The following SORCS3 variants were observed in gnomAD, a reference collection of about 807,000 sequenced individuals.
The protein encoded by SORCS3 is VPS10 domain-containing receptor SorCS3.
Under a neutral mutation model 146.3 loss-of-function variants are expected in SORCS3, and 57 were observed. The ratio of observed to expected loss-of-function variants is 0.39; its 90% CI spans 0.31 to 0.49. The LOEUF (loss-of-function observed/expected upper bound fraction) is 0.49. Among genes scored for constraint, SORCS3 ranks in the 20% least tolerant of loss-of-function variants. The pLI is 0.92. For missense variants in SORCS3, 1,341 were observed against 1,575.5 expected, an observed-to-expected ratio of 0.85 and a Z score of 2.52; for synonymous variants, 653 against 618.5, an observed-to-expected ratio of 1.06 and a Z score of -0.83.
chr10:105,068,287 C>G (rs1390977837), intron 5 of SORCS3, among the ~76,000 whole-genome samples: 2 of 152,186 alleles, frequency 1.3e-5, no homozygotes, highest in African/African-American at 4.8e-5. Flanking sequence ...CTAGAAATCT[C>G]AAATAACTCC....
chr10:105,063,359 G>A (rs1405365526), intron 5 of SORCS3, among the ~76,000 whole-genome samples: 1 of 152,154 alleles, frequency 6.6e-6, no homozygotes, highest in Non-Finnish European at 1.5e-5. Flanking sequence ...TAAGGAAACT[G>A]AGCCCCAGGG....
intron 1 of SORCS3, among the ~76,000 whole-genome samples, chr10:104,654,452 C>T (rs929666124): frequency 6.6e-6 from 1 of 152,210 alleles, no homozygotes; most frequent in Non-Finnish European, 1.5e-5. Flanking sequence ...TTCTCCATGT[C>T]CTCACCAGCA....
At chr10:105,109,964 T>C (rs1478541132) in intron 7 of SORCS3, among the ~76,000 whole-genome samples, 1 of 151,990 alleles carries the variant, frequency 6.6e-6, no homozygotes, top group Non-Finnish European at 1.5e-5. Context: ...TCTTGAAATA[T>C]GTTTTCTATT....
At chr10:104,761,623 T>G (rs1243149148) in intron 1 of SORCS3, among the ~76,000 whole-genome samples, 1 of 152,208 alleles carries the variant, frequency 6.6e-6, no homozygotes, top group Non-Finnish European at 1.5e-5. Context: ...TGAATGGATA[T>G]TGACAGTCTA....
intron 20 of SORCS3, among the ~76,000 whole-genome samples, chr10:105,242,868 T>A (rs1274853289): frequency 3.7e-5 from 3 of 81,110 alleles, no homozygotes; most frequent in Admixed American, 1.8e-4. Flanking sequence ...TATATATATT[T>A]TTATATATAA....
intron 4 of SORCS3, among the ~76,000 whole-genome samples, chr10:105,014,368 G>T (rs1589594415): frequency 1.3e-5 from 2 of 151,844 alleles, no homozygotes; most frequent in South Asian, 2.1e-4. Context: ...ACAGGTAGAG[G>T]TTTCTGAATT....
chr10:104,910,443 G>T (rs1030203673), intron 2 of SORCS3, among the ~76,000 whole-genome samples: 9 of 152,160 alleles, frequency 5.9e-5, no homozygotes, highest in Admixed American at 2.0e-4. Flanking sequence ...ACTTCTCAGT[G>T]GTTTGAAAGG....
intron 4 of SORCS3, among the ~76,000 whole-genome samples, chr10:105,025,490 AT>A (rs1184660397): frequency 2.6e-5 from 4 of 152,036 alleles, no homozygotes; most frequent in African/African-American, 9.7e-5. Context: ...TGAGCTGAAA[AT>A]TTTTGACTGT....
intron 1 of SORCS3, among the ~76,000 whole-genome samples, chr10:104,728,889 C>T (rs17117578): frequency 0.011 from 1,632 of 152,186 alleles, 27 homozygotes; most frequent in African/African-American, 0.037. Context: ...GTTCTGGTGA[C>T]CCAGTTATAA....
At chr10:105,134,937 C>T (rs1186352838) in intron 7 of SORCS3, among the ~76,000 whole-genome samples, 3 of 152,102 alleles carry the variant, frequency 2.0e-5, no homozygotes, top group Non-Finnish European at 4.4e-5. Context: ...TCCCCTCCAG[C>T]TGCAAGCCTG....
chr10:105,249,258 A>G (rs778337445), intron 22 of SORCS3, among the ~76,000 whole-genome samples: 4 of 152,242 alleles, frequency 2.6e-5, no homozygotes, highest in African/African-American at 4.8e-5. Flanking sequence ...AGTCTGGAGC[A>G]CATGAGAAAC....
intron 1 of SORCS3, among the ~76,000 whole-genome samples, chr10:104,842,403 A>C (rs561019064): frequency 6.6e-6 from 1 of 152,190 alleles, no homozygotes; most frequent in Non-Finnish European, 1.5e-5. Context: ...TGTAAATCAG[A>C]GTCATCTCTG....
chr10:105,063,131 T>A (rs1015763152), intron 5 of SORCS3, among the ~76,000 whole-genome samples: 13 of 152,240 alleles, frequency 8.5e-5, no homozygotes, highest in Non-Finnish European at 1.5e-4. Flanking sequence ...CAATTCCTTA[T>A]GTCAAAATGA....
At position 105,164,441 on chromosome 10, in the gene SORCS3, C is replaced by T; in HGVS notation, c.1809+62C>T. On this transcript the variant is annotated intron_variant, in intron 12 of 26. Transcript: ENST00000369701. ...TAGAGTAAGTTCTACCAATCTCTCTCTCCATCCTATAGATTCTCAGCCTCA... is the reference window on the plus strand; with the variant it reads ...TAGAGTAAGTTCTACCAATCTCTCTTTCCATCCTATAGATTCTCAGCCTCA... 3 of 1,112,976 alleles carry T rather than the reference C, an allele frequency of 2.7e-6. No individual in the cohort carries two copies. In the South Asian group the frequency reaches 3.8e-5, roughly 14 times the overall value. 68.9% of individuals were successfully genotyped at this position (1,112,976 alleles called of 1,614,324 possible). A position where few individuals can be genotyped will look rare whatever the true frequency, so the allele number is the denominator to read the frequency against.
chr10:104,722,744 A>T (rs1198695268), intron 1 of SORCS3, among the ~76,000 whole-genome samples: 1 of 152,192 alleles, frequency 6.6e-6, no homozygotes, highest in Non-Finnish European at 1.5e-5. Context: ...CATTTCTTCT[A>T]GATTTTCTGG....
intron 8 of SORCS3, among the ~76,000 whole-genome samples, chr10:105,141,039 A>C (rs555040926): frequency 6.6e-6 from 1 of 152,322 alleles, no homozygotes; most frequent in South Asian, 2.1e-4. Flanking sequence ...AAATGAGTTT[A>C]GGGAACTTTC....
chr10:104,847,047 G>A (rs2018214191), intron 2 of SORCS3, among the ~76,000 whole-genome samples: 1 of 152,132 alleles, frequency 6.6e-6, no homozygotes. Context: ...ATGTGGTAGG[G>A]TGGTGCTATG....
chr10:105,216,871 G>A, intron 18 of SORCS3, 65 bp from the exon 19 acceptor site: 1 of 1,510,812 alleles, frequency 6.6e-7, no homozygotes, highest in Non-Finnish European at 9.2e-7. Flanking sequence ...AGCAACAGGA[G>A]GAAGCATCAG....
At chr10:104,733,477 G>A (rs1432769283) in intron 1 of SORCS3, among the ~76,000 whole-genome samples, 1 of 151,050 alleles carries the variant, frequency 6.6e-6, no homozygotes, top group Non-Finnish European at 1.5e-5. Context: ...AGCATCCCAA[G>A]TAGTTGGGAC....
Sources: allele counts gnomAD v4.1 joint callset (sites outside exome capture counted in the v4.1 genomes callset), GRCh38; gene constraint gnomAD v4.1.1; transcripts MANE v1.5; gene names NCBI Gene and HGNC (gene_info 2026-07-23, HGNC 2026-07-21).